Variants in FLT3 observed in about 807,000 individuals in gnomAD.
The protein encoded by FLT3 is fms related receptor tyrosine kinase 3.
FLT3 carries 46 observed loss-of-function variants against 126.6 expected under a neutral mutation model. The observed-to-expected ratio is 0.36, with a 90% confidence interval of 0.29 to 0.46. The LOEUF is 0.46. Ranked by LOEUF, FLT3 falls within the 20% of genes least tolerant of loss-of-function variation. The pLI is 1.00. For missense variants in FLT3, 1,069 were observed against 1,190.3 expected (o/e 0.90, Z 1.50); for synonymous variants, 404 against 434.4 (o/e 0.93, Z 0.87).
chr13:28,046,265 A>T (rs1304097575), intron 9 of FLT3, among the ~76,000 whole-genome samples: 1 of 152,232 alleles, frequency 6.6e-6, no homozygotes, highest in Non-Finnish European at 1.5e-5. Flanking sequence ...AGACAACTCC[A>T]TGCAAACCCT....
intron 12 of FLT3, among the ~76,000 whole-genome samples, chr13:28,034,912 T>G (rs1322442987): frequency 6.7e-6 from 1 of 149,322 alleles, no homozygotes; most frequent in African/African-American, 2.5e-5. Flanking sequence ...GCCACTGCAC[T>G]GCAGCCTGGG....
At chr13:28,052,956 C>T (rs1047681605) in intron 4 of FLT3, among the ~76,000 whole-genome samples, 2 of 152,112 alleles carry the variant, frequency 1.3e-5, no homozygotes, top group Non-Finnish European at 2.9e-5. Context: ...TGTGAAAATA[C>T]AAATATTGAT....
At chr13:28,077,401 T>G (rs1270936293) in intron 1 of FLT3, among the ~76,000 whole-genome samples, 1 of 151,712 alleles carries the variant, frequency 6.6e-6, no homozygotes, top group African/African-American at 2.4e-5. Context: ...AAGAGAAAAA[T>G]GAGGAAGCAG....
At chr13:28,020,883 A>T (rs577730636) in intron 19 of FLT3, among the ~76,000 whole-genome samples, 2 of 152,158 alleles carry the variant, frequency 1.3e-5, no homozygotes, top group African/African-American at 4.8e-5. Flanking sequence ...GGACAGTGAC[A>T]CGCATGATTC....
intron 2 of FLT3, among the ~76,000 whole-genome samples, chr13:28,066,549 T>C (rs3945023): frequency 0.94 from 142,412 of 152,070 alleles, 67,357 homozygotes; most frequent in Non-Finnish European, 1. Context: ...ACTGAAGTAG[T>C]TCCTAATGGC....
intron 17 of FLT3, among the ~76,000 whole-genome samples, chr13:28,026,352 GAAAAAAAAAAA>G (rs5802460): frequency 6.3e-5 from 5 of 78,938 alleles, no homozygotes; most frequent in African/African-American, 2.4e-4. Context: ...AACTCTGTCT[GAAAAAAAAAAA>G]AAAAAAAAAA....
chr13:28,064,004 G>C (rs1876794954), intron 2 of FLT3, among the ~76,000 whole-genome samples: 2 of 152,058 alleles, frequency 1.3e-5, no homozygotes, highest in Admixed American at 6.6e-5. Context: ...AAGCATGGTG[G>C]TACATGCCTG....
At chr13:28,084,973 TAA>T (rs59333724) in intron 1 of FLT3, among the ~76,000 whole-genome samples, 93,367 of 133,108 alleles carry the variant, frequency 0.7, 34,168 homozygotes, top group Non-Finnish European at 0.8. Flanking sequence ...AGCCTTCCTC[TAA>T]AAAAAAAAAA....
intron 9 of FLT3, among the ~76,000 whole-genome samples, chr13:28,041,480 A>C (rs1415198481): frequency 6.6e-6 from 1 of 152,180 alleles, no homozygotes; most frequent in East Asian, 1.9e-4. Context: ...GTCTTAATAG[A>C]GTGTGGTTTG....
chr13:28,021,472 C>T (rs9512980), intron 19 of FLT3, among the ~76,000 whole-genome samples: 137,579 of 152,196 alleles, frequency 0.9, 62,875 homozygotes, highest in Non-Finnish European at 0.97. Context: ...GCAAGATGCG[C>T]GAGCAAGAAG....
chr13:28,029,395 A>AAAAACAAAACAAAACAAAAC, intron 15 of FLT3, among the ~76,000 whole-genome samples: 1 of 151,498 alleles, frequency 6.6e-6, no homozygotes, highest in South Asian at 2.1e-4. Flanking sequence ...ACTCTGTCTC[A>AAAAACAAAACAAAACAAAAC]AAAACAAAAC....
intron 23 of FLT3, among the ~76,000 whole-genome samples, chr13:28,011,856 G>A (rs1270097750): frequency 6.6e-6 from 1 of 150,906 alleles, no homozygotes; most frequent in Non-Finnish European, 1.5e-5. Flanking sequence ...GGAGTGCAGT[G>A]GTGCCATCTC....
At chr13:28,098,126 C>A (rs1397131502) in intron 1 of FLT3, among the ~76,000 whole-genome samples, 1 of 151,942 alleles carries the variant, frequency 6.6e-6, no homozygotes, top group East Asian at 1.9e-4. Flanking sequence ...ACCAGCCTGG[C>A]CAACATGGTG....
At chr13:28,055,768 C>T (rs1271946553) in intron 4 of FLT3, among the ~76,000 whole-genome samples, 1 of 152,050 alleles carries the variant, frequency 6.6e-6, no homozygotes, top group Non-Finnish European at 1.5e-5. Context: ...ACTGTTTATA[C>T]TTGGCAAGAA....
At chr13:28,017,027 C>T (rs922767970) in intron 20 of FLT3, among the ~76,000 whole-genome samples, 2 of 152,100 alleles carry the variant, frequency 1.3e-5, no homozygotes, top group Non-Finnish European at 2.9e-5. Flanking sequence ...AGCACAGACT[C>T]GGGGCTCAGA....
intron 15 of FLT3, among the ~76,000 whole-genome samples, chr13:28,031,823 C>T (rs192551005): frequency 2.0e-4 from 31 of 152,182 alleles, no homozygotes; most frequent in Middle Eastern, 3.4e-3. Flanking sequence ...CCCAGCCATG[C>T]GGGTGGTGGA....
At chr13:28,021,964 C>G (rs1222427301) in intron 19 of FLT3, among the ~76,000 whole-genome samples, 1 of 151,986 alleles carries the variant, frequency 6.6e-6, no homozygotes, top group African/African-American at 2.4e-5. Flanking sequence ...GTCTCGATCT[C>G]CTGACCTCGT....
At position 28,003,871 on chromosome 13, in the gene FLT3, T is replaced by C; in HGVS notation, c.*181A>G. The C allele has an allele frequency of 1.5e-6, 1 of 658,634 alleles. No individual in the cohort carries two copies. The highest frequency in any genetic ancestry group is 2.0e-5 in the South Asian group (1 of 50,156). The allele number at this position is 658,634 out of a possible 1,614,324, so 40.8% of individuals were successfully genotyped here. On this transcript the variant is annotated 3_prime_UTR_variant, in exon 24 of 24. Transcript: ENST00000241453. ...TCCTCCTGCCTTGTGACAGGATGAT[T>C]TGATTTTACAAAAGTCCCTTTGAAA...
In FLT3 at chr13:28,038,232, G is replaced by A. The variant is rs539561541; in HGVS notation, c.1206-944C>T. ...TTGACACAGATAACCTGATCTTGGG[G>A]ACTGTCCACCACGCCCAGCAGGCCT... On this transcript the variant is annotated intron_variant, in intron 9 of 23. Transcript: ENST00000241453. 1.6e-4 allele frequency among the ~76,000 whole-genome samples: 24 copies of A among 152,246 alleles called. No individual in the cohort carries two copies. In the South Asian group the frequency reaches 4.6e-3, roughly 29 times the overall value.
Sources: allele counts gnomAD v4.1 joint callset (sites outside exome capture counted in the v4.1 genomes callset), GRCh38; gene constraint gnomAD v4.1.1; transcripts MANE v1.5; gene names NCBI Gene and HGNC (gene_info 2026-07-23, HGNC 2026-07-21).